Variants in EZH1 observed in about 807,000 individuals in gnomAD.
EZH1 encodes the protein histone-lysine N-methyltransferase EZH1.
EZH1 carries 33 observed loss-of-function variants against 100.5 expected under a neutral mutation model. That is an observed-to-expected ratio of 0.33 (90% CI 0.25 to 0.44). The LOEUF (loss-of-function observed/expected upper bound fraction) is 0.44, where lower values mean the gene tolerates loss of function less well. Ranked by LOEUF, EZH1 falls within the 20% of genes least tolerant of loss-of-function variation. EZH1 has a pLI of 1.00. For missense variants in EZH1, 475 were observed against 928.4 expected (o/e 0.51, Z 6.35); for synonymous variants, 272 against 313.8 (o/e 0.87, Z 1.41).
chr17:42,735,784 G>A (rs140187403), intron 1 of EZH1, among the ~76,000 whole-genome samples: 5,900 of 152,190 alleles, frequency 0.039, 176 homozygotes, highest in Non-Finnish European at 0.057. Context: ...TCAGGAGTTC[G>A]AGACCAGCCT....
intron 1 of EZH1, among the ~76,000 whole-genome samples, chr17:42,735,432 T>A (rs866187568): frequency 6.6e-6 from 1 of 151,440 alleles, no homozygotes; most frequent in Non-Finnish European, 1.5e-5. Flanking sequence ...TTTGGAGAGA[T>A]GGATTCATTG....
chr17:42,700,713 T>TA lies in EZH1; in HGVS notation c.*1818dup, dbSNP rs2053223994. 6.6e-6 allele frequency: 1 copy of TA among 152,430 alleles called. No individual in the cohort carries two copies. Among genetic ancestry groups the TA allele is most frequent in the African/African-American group, 2.4e-5 (1 of 41,454 alleles). 9.4% of individuals were successfully genotyped at this position (152,430 alleles called of 1,614,324 possible). On this transcript the variant is annotated 3_prime_UTR_variant, in exon 21 of 21. Coordinates refer to ENST00000428826, the MANE Select transcript of EZH1 (RefSeq NM_001991.5). ...CAGTCCAGCTTGAGGGTATCCCTGA[T>TA]ATGCACAATGAATACAAACCACGGC...
At chr17:42,719,818 T>C (rs1291834125) in intron 7 of EZH1, among the ~76,000 whole-genome samples, 2 of 152,086 alleles carry the variant, frequency 1.3e-5, no homozygotes, top group African/African-American at 2.4e-5. Flanking sequence ...GGCCTGAACA[T>C]AGAAGAATCC....
At chr17:42,704,571 C>T (rs776420976) in intron 18 of EZH1, 31 bp downstream of exon 18, 1 of 1,544,498 alleles carries the variant, frequency 6.5e-7, no homozygotes, top group Non-Finnish European at 8.8e-7. Context: ...AAAAAAAGAC[C>T]ACCTTGGGAT....
At chr17:42,728,771 C>A in intron 3 of EZH1, 54 bp downstream of exon 3, 1 of 1,557,242 alleles carries the variant, frequency 6.4e-7, no homozygotes, top group Non-Finnish European at 8.7e-7. Flanking sequence ...AACCCCTTTA[C>A]ACTGGGTCAG....
intron 2 of EZH1, 119 bp downstream of exon 2, chr17:42,730,709 G>T (rs1214584784): frequency 9.4e-6 from 2 of 213,008 alleles, no homozygotes; most frequent in Non-Finnish European, 1.6e-5. Context: ...TGTTAGCCAG[G>T]ATGGTCTCGA....
intron 10 of EZH1, among the ~76,000 whole-genome samples, chr17:42,717,731 CA>C (rs1416655532): frequency 6.6e-6 from 1 of 152,174 alleles, no homozygotes; most frequent in Admixed American, 6.5e-5. Context: ...GAAATCTAAG[CA>C]GATGATATTT....
chr17:42,711,348 C>T (rs2053477840), intron 12 of EZH1, among the ~76,000 whole-genome samples: 1 of 152,186 alleles, frequency 6.6e-6, no homozygotes, highest in Non-Finnish European at 1.5e-5. Context: ...TGGTGCACAC[C>T]TGTAATCCCA....
chr17:42,723,201 C>G (rs2053750028), intron 5 of EZH1, among the ~76,000 whole-genome samples: 1 of 151,972 alleles, frequency 6.6e-6, no homozygotes, highest in African/African-American at 2.4e-5. Context: ...ATGGTGAAAC[C>G]CCATCTCTAC....
chr17:42,704,144 G>A (rs2053301583), intron 18 of EZH1, among the ~76,000 whole-genome samples: 1 of 152,188 alleles, frequency 6.6e-6, no homozygotes, highest in Admixed American at 6.5e-5. Flanking sequence ...ACTGTGGCCT[G>A]TGGGATCCCC....
intron 1 of EZH1, among the ~76,000 whole-genome samples, chr17:42,734,315 C>T (rs2054020235): frequency 2.6e-5 from 4 of 152,118 alleles, no homozygotes; most frequent in Non-Finnish European, 4.4e-5. Flanking sequence ...GCTGGGATTA[C>T]AGGCATGAGC....
At position 42,718,709 on chromosome 17, in the gene EZH1, C is replaced by A; in HGVS notation, c.768-92G>T. On this transcript the variant is annotated intron_variant, in intron 8 of 20. Transcript: ENST00000428826. The surrounding 1 kb of genome is among the most constrained non-coding windows in gnomAD (Gnocchi z 4.2). ...GTACTGACAGTAGCTCACCTACGGTCTGCCAAGGGAGGATGGGTGTTTTTT... is the reference window on the plus strand; with the variant it reads ...GTACTGACAGTAGCTCACCTACGGTATGCCAAGGGAGGATGGGTGTTTTTT... 1 of 1,383,260 alleles carries A rather than the reference C, an allele frequency of 7.2e-7. No individual in the cohort carries two copies. The highest frequency in any genetic ancestry group is 1.3e-5 in the South Asian group (1 of 79,068). 85.7% of individuals were successfully genotyped at this position (1,383,260 alleles called of 1,614,324 possible). A position where few individuals can be genotyped will look rare whatever the true frequency, so the allele number is the denominator to read the frequency against.
Position 42,706,177 on chromosome 17 carries a change from G to A in EZH1, c.1669C>T (p.Arg557Cys), listed in dbSNP as rs777686988. The part of the protein sequence containing the change: ...FCQCNPDCQN[R>C]FPGCRCKTQC... ...GTCTTACAGCGACAGCCAGGGAAAC[G>A]ATTCTGACCTGGGAAGGGAAGACAG... Residue 557 changes from arginine to cysteine, a missense_variant, in exon 16 of 21, where the codon CGT becomes TGT. Coordinates refer to ENST00000428826, the MANE Select transcript of EZH1 (RefSeq NM_001991.5). The surrounding 1 kb of genome is among the most constrained non-coding windows in gnomAD (Gnocchi z 4.4). The A allele has an allele frequency of 1.2e-6, 2 of 1,608,556 alleles. No homozygotes were observed. The highest frequency in any genetic ancestry group is 1.7e-6 in the Non-Finnish European group (2 of 1,176,694).
chr17:42,742,483 TGAA>T (rs2054194588), intron 1 of EZH1, among the ~76,000 whole-genome samples: 1 of 152,134 alleles, frequency 6.6e-6, no homozygotes, highest in Non-Finnish European at 1.5e-5. Context: ...ACCATCATAA[TGAA>T]GAAGTCATTT....
Position 42,724,288 on chromosome 17 carries a change from G to C in EZH1, c.366+17C>G. ...TCATACAGTTTAAATAACCACCACA[G>C]TGCTTTCAATACATACCATAAAGTT... On this transcript the variant is annotated intron_variant, in intron 5 of 20. Transcript: ENST00000428826. 1 of 1,613,094 alleles carries C rather than the reference G, an allele frequency of 6.2e-7. No individual in the cohort carries two copies. Among genetic ancestry groups the C allele is most frequent in the Non-Finnish European group, 8.5e-7 (1 of 1,179,394 alleles).
At chr17:42,728,484 G>A (rs1177204868) in intron 3 of EZH1, among the ~76,000 whole-genome samples, 6 of 149,792 alleles carry the variant, frequency 4.0e-5, no homozygotes, top group Non-Finnish European at 8.9e-5. Context: ...GCTCACACCT[G>A]TAATCCCAGC....
At chr17:42,720,184 CCTTT>C (rs2053679156) in intron 7 of EZH1, 85 bp downstream of exon 7, 2 of 1,403,324 alleles carry the variant, frequency 1.4e-6, no homozygotes, top group Non-Finnish European at 9.7e-7. Context: ...GCACCAACAG[CCTTT>C]AATAGGCAAC....
chr17:42,741,688 C>A (rs1158732072), intron 1 of EZH1, among the ~76,000 whole-genome samples: 1 of 152,098 alleles, frequency 6.6e-6, no homozygotes, highest in Non-Finnish European at 1.5e-5. Flanking sequence ...TATTTTGAAT[C>A]GGTTTCTTAT....
In EZH1 at chr17:42,700,292, T is replaced by C. The variant is rs912528137; in HGVS notation, c.*2240A>G. Reference sequence around the variant, plus strand: ...TGCCAAAATGGATTCTAACACTTTATTAAGAGGTCACAAGCCACAGGACTT... The same window carrying C: ...TGCCAAAATGGATTCTAACACTTTACTAAGAGGTCACAAGCCACAGGACTT... On this transcript the variant is annotated 3_prime_UTR_variant, in exon 21 of 21. Transcript: ENST00000428826. 5 of 152,814 alleles carry C rather than the reference T, an allele frequency of 3.3e-5. No homozygotes were observed. The highest frequency in any genetic ancestry group is 7.2e-5 in the African/African-American group (3 of 41,446). The allele number at this position is 152,814 out of a possible 1,614,324, so 9.5% of individuals were successfully genotyped here. A position where few individuals can be genotyped will look rare whatever the true frequency, so the allele number is the denominator to read the frequency against.
Sources: gnomAD v4.1 joint callset for allele counts (sites outside exome capture counted in the v4.1 genomes callset) on GRCh38, gnomAD v4.1.1 for gene constraint, Gnocchi (gnomAD v3.1) non-coding constraint, MANE v1.5 for transcripts, NCBI Gene and HGNC (gene_info 2026-07-23, HGNC 2026-07-21) for gene names.